Variants in PPP2R1B observed in about 807,000 individuals in gnomAD.
The protein encoded by PPP2R1B is protein phosphatase 2 scaffold subunit Abeta, also known as serine/threonine-protein phosphatase 2A 65 kDa regulatory subunit A beta isoform.
Under a neutral mutation model 72.7 loss-of-function variants are expected in PPP2R1B, and 58 were observed. That is an observed-to-expected ratio of 0.80 (90% CI 0.65 to 0.99). The LOEUF (loss-of-function observed/expected upper bound fraction) is 0.99, where lower values mean the gene tolerates loss of function less well. PPP2R1B is among the 50% of genes least tolerant of loss of function. The pLI, the probability that PPP2R1B is intolerant of heterozygous loss-of-function variation, is 0.00. For missense variants in PPP2R1B, 695 were observed against 733.6 expected, an observed-to-expected ratio of 0.95 and a Z score of 0.61; for synonymous variants, 256 against 264.6, an observed-to-expected ratio of 0.97 and a Z score of 0.32.
At chr11:111,721,782 T>TCA in the PPP2R1B span, 3 of 1,482,760 alleles carry the variant, frequency 2.0e-6, no homozygotes, top group Non-Finnish European at 2.8e-6. Flanking sequence ...ACTGAGACGT[T>TCA]TTTCCCCATG....
chr11:111,750,903 A>G (rs1354616321), intron 10 of PPP2R1B, among the ~76,000 whole-genome samples: 2 of 151,944 alleles, frequency 1.3e-5, no homozygotes, highest in Non-Finnish European at 2.9e-5. Flanking sequence ...CAGTAGTGCA[A>G]TCTTGGCTCA....
In PPP2R1B at chr11:111,738,367, C is replaced by T; in HGVS notation, c.*3229G>A. The T allele has an allele frequency of 1.0e-6, 1 of 985,576 alleles. No individual in the cohort carries two copies. The highest frequency in any genetic ancestry group is 1.2e-6 in the Non-Finnish European group (1 of 830,018). 61.1% of individuals were successfully genotyped at this position (985,576 alleles called of 1,614,324 possible). A position where few individuals can be genotyped will look rare whatever the true frequency, so the allele number is the denominator to read the frequency against. ...GACCTGTTTGGCCACCCTGCCCTGCCATCGCCACAGGGACAGAGCCAATGT... is the reference window on the plus strand; with the variant it reads ...GACCTGTTTGGCCACCCTGCCCTGCTATCGCCACAGGGACAGAGCCAATGT... On this transcript the variant is annotated 3_prime_UTR_variant, in exon 15 of 15. Coordinates refer to ENST00000527614, the MANE Select transcript of PPP2R1B (RefSeq NM_002716.5).
chr11:111,745,221 T>G (rs2136054537), intron 11 of PPP2R1B, among the ~76,000 whole-genome samples: 1 of 152,088 alleles, frequency 6.6e-6, no homozygotes, highest in Admixed American at 6.5e-5. Flanking sequence ...CCAGCTAATT[T>G]TTGTGTTTTT....
intron 3 of PPP2R1B, chr11:111,761,257 A>C: frequency 1.5e-6 from 1 of 676,676 alleles, no homozygotes; most frequent in Non-Finnish European, 2.7e-6. Context: ...AAAAGCCAAG[A>C]TCTCGTGTCC....
the PPP2R1B span, chr11:111,720,946 G>A: frequency 6.2e-7 from 1 of 1,614,118 alleles, no homozygotes; most frequent in Non-Finnish European, 8.5e-7. Flanking sequence ...TAGAACCAAA[G>A]GAATTCTAGA....
downstream of PPP2R1B, chr11:111,724,279 G>A: frequency 8.6e-7 from 1 of 1,169,060 alleles, no homozygotes; most frequent in South Asian, 1.6e-5. Context: ...GGTCTGGCTG[G>A]GGTGGATGTT....
the PPP2R1B span, among the ~76,000 whole-genome samples, chr11:111,712,734 T>A: frequency 2.0e-5 from 3 of 152,360 alleles, no homozygotes; most frequent in East Asian, 1.9e-4. Context: ...AACAAAAAAA[T>A]TAACTTTCAT....
intron 9 of PPP2R1B, among the ~76,000 whole-genome samples, chr11:111,753,174 T>C (rs1319198886): frequency 1.3e-5 from 2 of 152,122 alleles, no homozygotes; most frequent in South Asian, 2.1e-4. Context: ...CAAAGACACA[T>C]TAGCTTTAAA....
rs2136037361 is a variant in PPP2R1B at position 111,740,156 on chromosome 11, T to TA, written c.*1439dup. On this transcript the variant is annotated 3_prime_UTR_variant, in exon 15 of 15. Transcript: ENST00000527614. ...ATAGCAAGATGCACTGAGAGAAAAA[T>TA]AAACTATGGGAAAACCCCCTTAACC... 1.0e-6 allele frequency: 1 copy of TA among 985,156 alleles called. No individual in the cohort carries two copies. Among genetic ancestry groups the TA allele is most frequent in the African/African-American group, 1.7e-5 (1 of 57,278 alleles). 61.0% of individuals were successfully genotyped at this position (985,156 alleles called of 1,614,324 possible).
intron 5 of PPP2R1B, among the ~76,000 whole-genome samples, 194 bp downstream of exon 5, chr11:111,759,610 A>C (rs1565473842): frequency 6.6e-6 from 1 of 152,188 alleles, no homozygotes; most frequent in African/African-American, 2.4e-5. Flanking sequence ...CTAATGTAAG[A>C]GAGAAATCAT....
intron 12 of PPP2R1B, 22 bp from the exon 13 acceptor site, chr11:111,742,687 C>A (rs1278042096): frequency 6.4e-7 from 1 of 1,572,562 alleles, no homozygotes; most frequent in South Asian, 1.2e-5. Flanking sequence ...AGTAAGATGG[C>A]ACATTTAAAA....
chr11:111,746,937 ACCATATGATCCT>A (rs1369302972), intron 11 of PPP2R1B, among the ~76,000 whole-genome samples: 1 of 152,180 alleles, frequency 6.6e-6, no homozygotes, highest in African/African-American at 2.4e-5. Context: ...CACACTCTTA[ACCATATGATCCT>A]CCATATGATG....
chr11:111,701,514 T>C, the PPP2R1B span: 7 of 1,613,978 alleles, frequency 4.3e-6, no homozygotes, highest in Non-Finnish European at 5.9e-6. This position sits in a 1 kb window ranked among gnomAD's most constrained non-coding sequence, Gnocchi z 4.2. Flanking sequence ...GACCGACTCT[T>C]CCAATTTTGA....
chr11:111,754,623 C>A, intron 7 of PPP2R1B, 54 bp from the exon 8 acceptor site: 1 of 1,566,414 alleles, frequency 6.4e-7, no homozygotes, highest in South Asian at 1.2e-5. Flanking sequence ...TACAAAGAGC[C>A]AAATGAGGAC....
chr11:111,755,237 C>A lies in PPP2R1B; in HGVS notation c.843+58G>T, dbSNP rs1441104232. 3.9e-6 allele frequency: 6 copies of A among 1,556,922 alleles called. No homozygotes were observed. The Admixed American group carries it at 1.2e-4, about 31-fold the overall frequency. ...ATTAATTCAGAAACTTTGGGTACAA[C>A]AGCAAATCTATGTGTTTTCAGGTTT... On this transcript the variant is annotated intron_variant, in intron 6 of 14. Transcript: ENST00000527614.
chr11:111,725,363 C>CAG (rs1366727215), downstream of PPP2R1B: 3 of 152,648 alleles, frequency 2.0e-5, no homozygotes, highest in Non-Finnish European at 4.4e-5. Flanking sequence ...GAAAGAACCA[C>CAG]AGATGTGTTA....
At chr11:111,703,181 T>A in the PPP2R1B span, 1 of 1,609,486 alleles carries the variant, frequency 6.2e-7, no homozygotes. Context: ...TTGTGACTTT[T>A]GTAACATTGT....
intron 10 of PPP2R1B, among the ~76,000 whole-genome samples, chr11:111,750,133 T>G (rs1944849265): frequency 6.6e-6 from 1 of 152,172 alleles, no homozygotes; most frequent in Non-Finnish European, 1.5e-5. Context: ...ATCGGACACT[T>G]TCAATTTTAT....
chr11:111,738,089 G>A lies in PPP2R1B; in HGVS notation c.*3507C>T. 1 of 990,602 alleles carries A rather than the reference G, an allele frequency of 1.0e-6. No individual in the cohort carries two copies. The highest frequency in any genetic ancestry group is 1.2e-6 in the Non-Finnish European group (1 of 832,500). 61.4% of individuals were successfully genotyped at this position (990,602 alleles called of 1,614,324 possible). On this transcript the variant is annotated 3_prime_UTR_variant, in exon 15 of 15. Transcript: ENST00000527614. ...AGAGGACTGGAGGGAGACATGCGAGGGAAGAGGAAAGAGGAGAGTAAGGAA... is the reference window on the plus strand; with the variant it reads ...AGAGGACTGGAGGGAGACATGCGAGAGAAGAGGAAAGAGGAGAGTAAGGAA...
Sources: gnomAD v4.1 joint callset for allele counts (sites outside exome capture counted in the v4.1 genomes callset) on GRCh38, gnomAD v4.1.1 for gene constraint, Gnocchi (gnomAD v3.1) non-coding constraint, MANE v1.5 for transcripts, NCBI Gene and HGNC (gene_info 2026-07-23, HGNC 2026-07-21) for gene names.